SULF1: variants seen among roughly 807,000 people sequenced by gnomAD.
SULF1 encodes the protein extracellular sulfatase Sulf-1.
Under a neutral mutation model 110.5 loss-of-function variants are expected in SULF1, and 46 were observed. The ratio of observed to expected loss-of-function variants is 0.42; its 90% CI spans 0.33 to 0.53. The LOEUF is 0.53. SULF1 is among the 20% of genes least tolerant of loss of function. The probability of loss-of-function intolerance (pLI) is 0.12; values close to 1 mark genes in which losing one functional copy is unlikely to be tolerated. For synonymous variants in SULF1, 371 were observed against 387.1 expected (o/e 0.96, Z 0.49); for missense variants, 941 against 1,094.2 (o/e 0.86, Z 1.98).
intron 2 of SULF1, among the ~76,000 whole-genome samples, chr8:69,497,764 A>T (rs762099484): frequency 1.3e-5 from 2 of 152,188 alleles, no homozygotes; most frequent in Non-Finnish European, 2.9e-5. Context: ...AACGGGGACA[A>T]CCAAGAGAGT....
chr8:69,482,064 C>G (rs546135307), intron 1 of SULF1, among the ~76,000 whole-genome samples: 1 of 152,194 alleles, frequency 6.6e-6, no homozygotes, highest in African/African-American at 2.4e-5. Context: ...TAACCTCCAC[C>G]AAAAAGACCA....
chr8:69,645,770 G>A (rs2130709657), intron 22 of SULF1, among the ~76,000 whole-genome samples: 1 of 152,276 alleles, frequency 6.6e-6, no homozygotes, highest in East Asian at 1.9e-4. Flanking sequence ...AGAAGAGAAG[G>A]ATGAGCTGAA....
chr8:69,642,834 C>G (rs1017579707), intron 22 of SULF1, among the ~76,000 whole-genome samples: 1 of 152,184 alleles, frequency 6.6e-6, no homozygotes, highest in Non-Finnish European at 1.5e-5. Flanking sequence ...TTTAACTGCA[C>G]TTTGGGCGTA....
chr8:69,566,836 C>T (rs55781161), intron 5 of SULF1, among the ~76,000 whole-genome samples: 30,889 of 152,086 alleles, frequency 0.2, 3,209 homozygotes, highest in South Asian at 0.24. Flanking sequence ...GGCTACAGAG[C>T]GAGACTCCAT....
At chr8:69,624,882 AATTT>A (rs746270061) in intron 15 of SULF1, among the ~76,000 whole-genome samples, 3 of 152,186 alleles carry the variant, frequency 2.0e-5, no homozygotes, top group Non-Finnish European at 4.4e-5. Context: ...TTTCTTTCTG[AATTT>A]ATTAGCAAGA....
chr8:69,625,075 G>A (rs903731522), intron 15 of SULF1, among the ~76,000 whole-genome samples: 1 of 152,154 alleles, frequency 6.6e-6, no homozygotes, highest in African/African-American at 2.4e-5. Context: ...CCCACCTACT[G>A]TCTATCCCTG....
At chr8:69,527,062 T>G (rs947825602) in intron 3 of SULF1, among the ~76,000 whole-genome samples, 1 of 152,180 alleles carries the variant, frequency 6.6e-6, no homozygotes. Flanking sequence ...CAGTTCTTGT[T>G]TGGCTTTGGC....
Position 69,616,115 on chromosome 8 carries a change from G to A in SULF1, c.1378-4920G>A, listed in dbSNP as rs559853211. ...TATATATACACACATATATGTGTGTGTATATATAATGTGTATATATATACA... is the reference window on the plus strand; with the variant it reads ...TATATATACACACATATATGTGTGTATATATATAATGTGTATATATATACA... On this transcript the variant is annotated intron_variant, in intron 13 of 22. Transcript: ENST00000402687. Among the ~76,000 whole-genome samples, 668 of 145,518 alleles carry A rather than the reference G, an allele frequency of 4.6e-3. 6 individuals carry two copies. The highest frequency in any genetic ancestry group is 7.3e-3 in the Non-Finnish European group (485 of 66,506).
At chr8:69,607,739 G>A (rs1808331787) in intron 13 of SULF1, among the ~76,000 whole-genome samples, 1 of 152,116 alleles carries the variant, frequency 6.6e-6, no homozygotes, top group African/African-American at 2.4e-5. Context: ...AAGATTATCT[G>A]TTTTTGGCGA....
At chr8:69,598,848 T>G (rs1407025625) in intron 8 of SULF1, among the ~76,000 whole-genome samples, 2 of 152,224 alleles carry the variant, frequency 1.3e-5, no homozygotes, top group Non-Finnish European at 2.9e-5. Flanking sequence ...AGACAGTGTC[T>G]TCTAAGCTCA....
chr8:69,467,489 A>T (rs1239539855), intron 1 of SULF1, among the ~76,000 whole-genome samples: 1 of 152,236 alleles, frequency 6.6e-6, no homozygotes, highest in Admixed American at 6.5e-5. Context: ...AAACTCCTGA[A>T]GAGAAGGGGC....
At chr8:69,502,529 C>T (rs1037870866) in intron 3 of SULF1, among the ~76,000 whole-genome samples, 1 of 152,092 alleles carries the variant, frequency 6.6e-6, no homozygotes, top group Admixed American at 6.6e-5. Context: ...GAGGGTACAA[C>T]CTCATGAGGC....
At chr8:69,540,383 T>G (rs1303759286) in intron 3 of SULF1, among the ~76,000 whole-genome samples, 4 of 152,232 alleles carry the variant, frequency 2.6e-5, no homozygotes, top group Non-Finnish European at 5.9e-5. Flanking sequence ...TCATTGTAAG[T>G]CATTTGGTAT....
At chr8:69,622,644 A>G (rs1271462958) in intron 14 of SULF1, among the ~76,000 whole-genome samples, 2 of 151,854 alleles carry the variant, frequency 1.3e-5, no homozygotes, top group Non-Finnish European at 2.9e-5. Flanking sequence ...TCAGAAGCTG[A>G]TTAGCAACAT....
In SULF1 at chr8:69,621,126, G is replaced by A. The variant is rs141888575; in HGVS notation, c.1469G>A (p.Arg490Gln). 1.3e-5 allele frequency: 21 copies of A among 1,613,972 alleles called. No homozygotes were observed. The highest frequency in any genetic ancestry group is 2.7e-5 in the African/African-American group (2 of 74,914). Residue 490 changes from arginine to glutamine, a missense_variant, in exon 14 of 23, where the codon CGG (arginine) becomes CAG (glutamine). By Grantham distance (43) the Arg-to-Gln change is conservative. Transcript: ENST00000402687. ...CTGCTCACAGTCCGGCAGAGCACGC[G>A]GAACCTCTACGCTCGCGGCTTCCAT... is the stretch of plus-strand genomic sequence containing the variant. ...SDLLTVRQST[R>Q]NLYARGFHDK...
At chr8:69,509,255 T>C (rs1811401115) in intron 3 of SULF1, among the ~76,000 whole-genome samples, 1 of 152,218 alleles carries the variant, frequency 6.6e-6, no homozygotes, top group Non-Finnish European at 1.5e-5. Flanking sequence ...ATCCTTTTAG[T>C]TTTATGTCTC....
At chr8:69,496,928 CT>C (rs1261962493) in intron 2 of SULF1, among the ~76,000 whole-genome samples, 2 of 152,154 alleles carry the variant, frequency 1.3e-5, no homozygotes, top group Non-Finnish European at 2.9e-5. Flanking sequence ...CCTCAACTTT[CT>C]CTTGGGTTTG....
Position 69,660,150 on chromosome 8 carries a change from G to A in SULF1, c.*1615G>A, listed in dbSNP as rs1295697442. 6.6e-6 allele frequency: 1 copy of A among 152,214 alleles called. No homozygotes were observed. The highest frequency in any genetic ancestry group is 1.5e-5 in the Non-Finnish European group (1 of 68,000). The allele number at this position is 152,214 out of a possible 1,614,324, so 9.4% of individuals were successfully genotyped here. ...ATATTTTGGGTTATTTTCTTGACAG[G>A]AGAAAAAGATCTAAAGATCTTTTAT... On this transcript the variant is annotated 3_prime_UTR_variant, in exon 23 of 23. Coordinates refer to ENST00000402687, the MANE Select transcript of SULF1 (RefSeq NM_001128205.2).
Position 69,627,269 on chromosome 8 carries a change from G to C in SULF1, c.1910G>C (p.Arg637Thr). The C allele has an allele frequency of 6.2e-7, 1 of 1,614,160 alleles. No individual in the cohort carries two copies. Residue 637 changes from arginine (R) to threonine (T), a missense_variant, in exon 16 of 23, where the codon AGA (arginine) becomes ACA (threonine). This residue lies in a region of SULF1 where 822 missense variants were observed against 934.3 expected (regional missense o/e 0.88). Transcript: ENST00000402687. ...GAGAGAGAACTGTACCAATCGGCCAGAGCGTGGAAGGACCATAAGGCATAC... is the reference window on the plus strand; with the variant it reads ...GAGAGAGAACTGTACCAATCGGCCACAGCGTGGAAGGACCATAAGGCATAC... ...HCERELYQSARAWKDHKAYID... is the reference protein window; with the variant it reads ...HCERELYQSATAWKDHKAYID...
Sources: allele counts gnomAD v4.1 joint callset (sites outside exome capture counted in the v4.1 genomes callset), GRCh38; gene constraint gnomAD v4.1.1; regional missense constraint gnomAD v4.1.1; transcripts MANE v1.5; gene names NCBI Gene and HGNC (gene_info 2026-07-23, HGNC 2026-07-21).